UBE2H: variants seen among roughly 807,000 people sequenced by gnomAD.
UBE2H encodes ubiquitin conjugating enzyme E2 H, also known as ubiquitin-conjugating enzyme E2 H.
Under a neutral mutation model 29.0 loss-of-function variants are expected in UBE2H, and 3 were observed. The observed-to-expected ratio is 0.10, with a 90% CI of 0.05 to 0.27. The LOEUF (loss-of-function observed/expected upper bound fraction) is 0.27, where lower values mean the gene tolerates loss of function less well. Ranked by LOEUF, UBE2H falls within the 10% of genes least tolerant of loss-of-function variation. UBE2H has a pLI of 1.00. For synonymous variants in UBE2H, 69 were observed against 82.9 expected (o/e 0.83, Z 0.91); for missense variants, 68 against 228.2 (o/e 0.30, Z 4.52).
chr7:129,883,339 C>T (rs934685662), intron 1 of UBE2H, among the ~76,000 whole-genome samples: 3 of 152,238 alleles, frequency 2.0e-5, no homozygotes, highest in Non-Finnish European at 2.9e-5. Flanking sequence ...AGTACTAAAC[C>T]TGCACATATG....
At chr7:129,839,065 G>C in intron 6 of UBE2H, 142 bp downstream of exon 6, 2 of 1,265,648 alleles carry the variant, frequency 1.6e-6, no homozygotes, top group Non-Finnish European at 2.2e-6. Flanking sequence ...AGGTTGGTGA[G>C]CACTACTTCA....
chr7:129,933,308 T>G (rs1259129025), intron 1 of UBE2H, among the ~76,000 whole-genome samples: 1 of 152,164 alleles, frequency 6.6e-6, no homozygotes, highest in African/African-American at 2.4e-5. Flanking sequence ...GTATCAAATA[T>G]TAAGGAAAAC....
chr7:129,924,731 T>C (rs757049648), intron 1 of UBE2H, among the ~76,000 whole-genome samples: 1 of 151,716 alleles, frequency 6.6e-6, no homozygotes, highest in Non-Finnish European at 1.5e-5. Flanking sequence ...CTAAACCAAC[T>C]CCTTATTTGA....
chr7:129,891,181 T>C (rs1223785565), intron 1 of UBE2H, among the ~76,000 whole-genome samples: 1 of 152,032 alleles, frequency 6.6e-6, no homozygotes, highest in Admixed American at 6.6e-5. Flanking sequence ...TGAGCCTCTT[T>C]TTTAATTTTT....
intron 1 of UBE2H, among the ~76,000 whole-genome samples, chr7:129,932,959 GTTAC>G (rs1297390236): frequency 2.0e-5 from 3 of 151,944 alleles, no homozygotes; most frequent in Non-Finnish European, 4.4e-5. Context: ...CAGAACCTCT[GTTAC>G]TTACCAAAAA....
intron 1 of UBE2H, among the ~76,000 whole-genome samples, chr7:129,920,848 C>CAAAAAAAAAA (rs11347186): frequency 8.9e-4 from 66 of 73,890 alleles, no homozygotes; most frequent in Middle Eastern, 8.6e-3. Flanking sequence ...TAGAAAAAGT[C>CAAAAAAAAAA]AAAAAAAAAA....
chr7:129,936,049 C>T (rs1468029691), intron 1 of UBE2H, among the ~76,000 whole-genome samples: 1 of 152,128 alleles, frequency 6.6e-6, no homozygotes, highest in Non-Finnish European at 1.5e-5. Context: ...TATTTGCAGT[C>T]CAGGTTTTCT....
chr7:129,934,871 AGACAG>A (rs1301119607), intron 1 of UBE2H, among the ~76,000 whole-genome samples: 2 of 151,532 alleles, frequency 1.3e-5, no homozygotes, highest in Non-Finnish European at 2.9e-5. Flanking sequence ...GTTCAAAAAC[AGACAG>A]GACAAGACCC....
chr7:129,873,730 G>A lies in UBE2H; in HGVS notation c.205+5838C>T, dbSNP rs138065381. On this transcript the variant is annotated intron_variant, in intron 3 of 6. Transcript: ENST00000355621. ...CTGGGATTACAGGATGAGCCACTGC[G>A]CTCGGCCTCACATCAAGTTCTATGG... Among the ~76,000 whole-genome samples, 29 of 152,080 alleles carry A rather than the reference G, an allele frequency of 1.9e-4. No individual in the cohort carries two copies. The East Asian group carries it at 5.0e-3, about 26-fold the overall frequency.
intron 1 of UBE2H, among the ~76,000 whole-genome samples, chr7:129,925,260 T>G (rs953025580): frequency 6.6e-6 from 1 of 151,892 alleles, no homozygotes. Flanking sequence ...ACGAAGAGAA[T>G]TGCTTGAATC....
chr7:129,930,677 G>A (rs926318967), intron 1 of UBE2H, among the ~76,000 whole-genome samples: 1 of 151,650 alleles, frequency 6.6e-6, no homozygotes, highest in Non-Finnish European at 1.5e-5. Context: ...GGGAGGCCGA[G>A]GCGGGTGGAT....
chr7:129,905,713 T>C (rs1806802135), intron 1 of UBE2H, among the ~76,000 whole-genome samples: 1 of 152,208 alleles, frequency 6.6e-6, no homozygotes, highest in South Asian at 2.1e-4. Flanking sequence ...TTCCAATGTT[T>C]CTGGCTTGAG....
At chr7:129,868,573 C>T (rs1448759282) in intron 3 of UBE2H, among the ~76,000 whole-genome samples, 7 of 105,378 alleles carry the variant, frequency 6.6e-5, no homozygotes, top group Admixed American at 6.1e-4. Flanking sequence ...GGCGACAGAG[C>T]GAGACTCCGT....
chr7:129,851,848 G>C (rs1805615895), intron 5 of UBE2H, among the ~76,000 whole-genome samples: 1 of 152,192 alleles, frequency 6.6e-6, no homozygotes, highest in Non-Finnish European at 1.5e-5. Context: ...CACCTCATCT[G>C]AAGATTTCCA....
chr7:129,945,947 C>T (rs1425447856), intron 1 of UBE2H, among the ~76,000 whole-genome samples: 1 of 151,852 alleles, frequency 6.6e-6, no homozygotes, highest in South Asian at 2.1e-4. Flanking sequence ...GGTTTCTTCA[C>T]GTTAGTCAAG....
rs1339250098 is a variant in UBE2H, at chr7:129,952,679, G to C, written c.-124C>G. 1 of 1,139,974 alleles carries C rather than the reference G, an allele frequency of 8.8e-7. No homozygotes were observed. Among genetic ancestry groups the C allele is most frequent in the African/African-American group, 1.6e-5 (1 of 61,118 alleles). 70.6% of individuals were successfully genotyped at this position (1,139,974 alleles called of 1,614,324 possible). A position where few individuals can be genotyped will look rare whatever the true frequency, so the allele number is the denominator to read the frequency against. ...GTGGCAACACCCCCGCGGTCCCGGC[G>C]GTCCCGTCAGCCGCCGCCGCCGCCC... On this transcript the variant is annotated 5_prime_UTR_variant, in exon 1 of 7. Transcript: ENST00000355621.
intron 3 of UBE2H, among the ~76,000 whole-genome samples, chr7:129,863,856 T>C (rs1258152029): frequency 1.4e-5 from 2 of 144,394 alleles, no homozygotes; most frequent in Non-Finnish European, 3.0e-5. Context: ...CAGGCAGGAG[T>C]GTGGTGGTGC....
At position 129,868,837 on chromosome 7, in the gene UBE2H, G is replaced by A. The variant is rs1038776758; in HGVS notation, c.206-9896C>T. Among the ~76,000 whole-genome samples the A allele has an allele frequency of 4.6e-5, 7 of 152,046 alleles. No homozygotes were observed. The East Asian group carries it at 7.7e-4, about 17-fold the overall frequency. ...CTGGCTTCTCTCACTGAGAACTTCA[G>A]CACCTGGCTTGGCCCCCAAGTTGCT... On this transcript the variant is annotated intron_variant, in intron 3 of 6. Coordinates refer to ENST00000355621, the MANE Select transcript of UBE2H (RefSeq NM_003344.4).
chr7:129,917,614 C>T (rs1399967940), intron 1 of UBE2H, among the ~76,000 whole-genome samples: 2 of 152,160 alleles, frequency 1.3e-5, no homozygotes, highest in African/African-American at 2.4e-5. Context: ...GCATGGTTCA[C>T]GCAGTAAAAG....
Sources: gnomAD v4.1 joint callset for allele counts (sites outside exome capture counted in the v4.1 genomes callset) on GRCh38, gnomAD v4.1.1 for gene constraint, MANE v1.5 for transcripts, NCBI Gene and HGNC (gene_info 2026-07-23, HGNC 2026-07-21) for gene names.